Variants in EBF2 observed in about 807,000 individuals in gnomAD.
EBF2 encodes the protein transcription factor COE2.
EBF2 carries 21 observed loss-of-function variants against 72.8 expected under a neutral mutation model. The ratio of observed to expected loss-of-function variants is 0.29; its 90% CI spans 0.20 to 0.42. The LOEUF (loss-of-function observed/expected upper bound fraction) is 0.42. Ranked by LOEUF, EBF2 falls within the 10% of genes least tolerant of loss-of-function variation. The pLI is 1.00. For synonymous variants in EBF2, 299 were observed against 274.2 expected, an observed-to-expected ratio of 1.09 and a Z score of -0.89; for missense variants, 637 against 731.2, an observed-to-expected ratio of 0.87 and a Z score of 1.49.
chr8:25,993,492 T>C (rs541070750), intron 6 of EBF2, among the ~76,000 whole-genome samples: 2 of 152,236 alleles, frequency 1.3e-5, no homozygotes, highest in African/African-American at 2.4e-5. Flanking sequence ...CTGCTTTCCA[T>C]CTATACTGCC....
chr8:26,000,799 T>C (rs972286844), intron 6 of EBF2, among the ~76,000 whole-genome samples: 3 of 152,236 alleles, frequency 2.0e-5, no homozygotes, highest in African/African-American at 7.2e-5. Context: ...AGCCAGGCGT[T>C]TGTTCTTTAG....
intron 4 of EBF2, 79 bp downstream of exon 4, chr8:26,040,537 G>T: frequency 2.2e-6 from 3 of 1,353,306 alleles, no homozygotes; most frequent in South Asian, 2.7e-5. Flanking sequence ...TGGAGGAGGG[G>T]CAGGTCAGAA....
At chr8:25,892,739 T>C (rs995935976) in intron 7 of EBF2, among the ~76,000 whole-genome samples, 5 of 152,212 alleles carry the variant, frequency 3.3e-5, no homozygotes, top group African/African-American at 7.2e-5. Context: ...TAAGTGTCAG[T>C]CATCCAACCC....
At chr8:25,972,855 T>C (rs1052240330) in intron 6 of EBF2, among the ~76,000 whole-genome samples, 25 of 148,194 alleles carry the variant, frequency 1.7e-4, no homozygotes, top group African/African-American at 6.2e-4. Flanking sequence ...CAATATGCAA[T>C]ACAATGCAGT....
chr8:26,044,656 G>C lies in EBF2; in HGVS notation c.131+73C>G, dbSNP rs1585240112. ...GGAGAGAGAAAGGCACGGGGTGCGCGGGGGGGGTGCACACGGAGAGACAGA... is the reference window on the plus strand; with the variant it reads ...GGAGAGAGAAAGGCACGGGGTGCGCCGGGGGGGTGCACACGGAGAGACAGA... On this transcript the variant is annotated intron_variant, in intron 1 of 15. Transcript: ENST00000520164. This position sits in a 1 kb window ranked among gnomAD's most constrained non-coding sequence, Gnocchi z 4.1. 1.3e-6 allele frequency: 1 copy of C among 780,814 alleles called. No individual in the cohort carries two copies. The highest frequency in any genetic ancestry group is 2.2e-5 in the South Asian group (1 of 46,092). The allele number at this position is 780,814 out of a possible 1,614,324, so 48.4% of individuals were successfully genotyped here.
At chr8:25,850,519 A>G (rs537159312) in intron 15 of EBF2, 75 bp downstream of exon 15, 4 of 1,431,968 alleles carry the variant, frequency 2.8e-6, no homozygotes, top group Admixed American at 5.6e-5. Context: ...GGAGCTATAC[A>G]ATGATGTGCT....
At position 25,960,177 on chromosome 8, in the gene EBF2, C is replaced by T. The variant is rs114692950; in HGVS notation, c.552-51622G>A. On this transcript the variant is annotated intron_variant, in intron 6 of 15. Coordinates refer to ENST00000520164, the MANE Select transcript of EBF2 (RefSeq NM_022659.4). ...GGATCTCTGAGTCAGGATAGGCAGA[C>T]TCCACCCTTGCTCAAAGATGAAAGA... Among the ~76,000 whole-genome samples the T allele has an allele frequency of 7.0e-3, 1,071 of 152,312 alleles. 14 individuals are homozygous for T. The highest frequency in any genetic ancestry group is 0.025 in the African/African-American group (1,029 of 41,552).
intron 7 of EBF2, among the ~76,000 whole-genome samples, chr8:25,907,804 G>A (rs1194456596): frequency 6.6e-6 from 1 of 152,182 alleles, no homozygotes; most frequent in African/African-American, 2.4e-5. Context: ...GCCATTTGGT[G>A]AATTAAATAT....
intron 10 of EBF2, among the ~76,000 whole-genome samples, chr8:25,864,746 G>C (rs903928622): frequency 6.6e-6 from 1 of 151,654 alleles, no homozygotes; most frequent in African/African-American, 2.4e-5. Context: ...TATTTGATAG[G>C]GTAAGTGTCC....
chr8:25,856,134 C>T (rs1361803192), intron 14 of EBF2, among the ~76,000 whole-genome samples: 1 of 152,156 alleles, frequency 6.6e-6, no homozygotes. Context: ...CCTAACTGTG[C>T]ATTTTCATTC....
chr8:25,980,787 C>CAAAAAAAA (rs34271943), intron 6 of EBF2, among the ~76,000 whole-genome samples: 1 of 67,136 alleles, frequency 1.5e-5, no homozygotes. Flanking sequence ...GAGGCCACCA[C>CAAAAAAAA]AAAAAAAAAA....
intron 6 of EBF2, among the ~76,000 whole-genome samples, chr8:25,999,006 G>A (rs966211012): frequency 2.5e-4 from 38 of 152,164 alleles, no homozygotes; most frequent in Admixed American, 2.2e-3. Flanking sequence ...AGATTGACAT[G>A]TGGCCAATTT....
intron 6 of EBF2, among the ~76,000 whole-genome samples, chr8:25,925,936 T>C (rs1183114007): frequency 1.3e-5 from 2 of 152,204 alleles, no homozygotes; most frequent in African/African-American, 4.8e-5. Flanking sequence ...TCACAGACTC[T>C]GATTATAAAT....
At chr8:25,876,935 C>T (rs548739835) in intron 10 of EBF2, among the ~76,000 whole-genome samples, 30 of 152,302 alleles carry the variant, frequency 2.0e-4, no homozygotes, top group African/African-American at 7.0e-4. Flanking sequence ...TACTGAACTG[C>T]TGTCATTTTT....
intron 14 of EBF2, chr8:25,858,103 A>G (rs569069127): frequency 1.7e-5 from 12 of 691,372 alleles, no homozygotes; most frequent in South Asian, 1.6e-4. Context: ...AATTGTTTCA[A>G]TCCTTTTCTT....
intron 6 of EBF2, among the ~76,000 whole-genome samples, chr8:25,962,326 A>G (rs1804048115): frequency 6.6e-6 from 1 of 152,126 alleles, no homozygotes; most frequent in Non-Finnish European, 1.5e-5. Flanking sequence ...CCAGTTGCAA[A>G]GAGGGCTGTC....
In EBF2 at chr8:26,040,651, G is replaced by A. The variant is rs1349830391; in HGVS notation, c.373C>T (p.Leu125Phe). The A allele has an allele frequency of 6.4e-7, 1 of 1,555,762 alleles. No homozygotes were observed. The highest frequency in any genetic ancestry group is 1.2e-5 in the South Asian group (1 of 84,306). ...YSNGVRTEQD[L>F]YVRLIDSVTK... ...ACCGAGTCGATGAGCCTGACATAGA[G>A]GTCCTGTTCCGTGCGGACACCTGCG... Residue 125 changes from leucine to phenylalanine, a missense_variant, in exon 4 of 16, where the codon CTC becomes TTC. By Grantham distance (22) the Leu-to-Phe change is conservative. Coordinates refer to ENST00000520164, the MANE Select transcript of EBF2 (RefSeq NM_022659.4).
At chr8:25,948,482 T>C (rs549417001) in intron 6 of EBF2, among the ~76,000 whole-genome samples, 1 of 152,074 alleles carries the variant, frequency 6.6e-6, no homozygotes, top group East Asian at 1.9e-4. Context: ...CCCACTCTAA[T>C]TATACCCTAT....
chr8:25,881,387 T>C (rs1008587636), intron 10 of EBF2, among the ~76,000 whole-genome samples: 1 of 152,226 alleles, frequency 6.6e-6, no homozygotes, highest in Non-Finnish European at 1.5e-5. Flanking sequence ...GTTTTGTCTA[T>C]TCTAAATCCT....
Sources: gnomAD v4.1 joint callset for allele counts (sites outside exome capture counted in the v4.1 genomes callset) on GRCh38, gnomAD v4.1.1 for gene constraint, Gnocchi (gnomAD v3.1) non-coding constraint, MANE v1.5 for transcripts, NCBI Gene and HGNC (gene_info 2026-07-23, HGNC 2026-07-21) for gene names.